Variants in KIAA1549 observed in about 807,000 individuals in gnomAD.
KIAA1549 encodes the protein KIAA1549.
KIAA1549 carries 70 observed loss-of-function variants against 156.4 expected under a neutral mutation model. The observed-to-expected ratio is 0.45, with a 90% CI of 0.37 to 0.55. The LOEUF (loss-of-function observed/expected upper bound fraction) is 0.55. Ranked by LOEUF, KIAA1549 falls within the 20% of genes least tolerant of loss-of-function variation. The pLI is 0.00. For missense variants in KIAA1549, 2,428 were observed against 2,540.9 expected (o/e 0.96, Z 0.96); for synonymous variants, 1,103 against 1,066.4 (o/e 1.03, Z -0.67).
chr7:138,873,989 T>C (rs897697301), intron 12 of KIAA1549, among the ~76,000 whole-genome samples: 2 of 148,432 alleles, frequency 1.3e-5, no homozygotes, highest in Middle Eastern at 3.3e-3. Context: ...TATATTAGTA[T>C]ATATTTTTGT....
At position 138,950,743 on chromosome 7, in the gene KIAA1549, G is replaced by A. The variant is rs183875530; in HGVS notation, c.187+30340C>T. On this transcript the variant is annotated intron_variant, in intron 1 of 19. Transcript: ENST00000422774. ...TGGCCCAATCCTGCATGTATGTCTT[G>A]GTATGGGGGTTCCCACCTCATTGTG... Among the ~76,000 whole-genome samples the A allele has an allele frequency of 3.3e-3, 506 of 152,254 alleles. 3 individuals are homozygous for A. Among genetic ancestry groups the A allele is most frequent in the Middle Eastern group, 0.01 (3 of 294 alleles).
Position 138,975,813 on chromosome 7 carries a change from G to A in KIAA1549, c.187+5270C>T, listed in dbSNP as rs190925191. On this transcript the variant is annotated intron_variant, in intron 1 of 19. Coordinates refer to ENST00000422774, the MANE Select transcript of KIAA1549 (RefSeq NM_001164665.2). Reference sequence around the variant, plus strand: ...ATCAACCTAGTGTAATTATAATGACGGTAATTAGCTGCCTCTATCATTCAG... The same window carrying A: ...ATCAACCTAGTGTAATTATAATGACAGTAATTAGCTGCCTCTATCATTCAG... Among the ~76,000 whole-genome samples the A allele has an allele frequency of 1.1e-3, 174 of 152,254 alleles. 1 individual carries two copies. The highest frequency in any genetic ancestry group is 4.1e-3 in the African/African-American group (169 of 41,544).
intron 10 of KIAA1549, among the ~76,000 whole-genome samples, chr7:138,891,872 A>T (rs1376384229): frequency 6.6e-6 from 1 of 152,218 alleles, no homozygotes; most frequent in South Asian, 2.1e-4. Context: ...CTATGGCCAC[A>T]TGACCTTAAA....
In KIAA1549 at chr7:138,911,213, C is replaced by T; in HGVS notation, c.3078G>A (p.Gln1026=). 1 of 1,599,356 alleles carries T rather than the reference C, an allele frequency of 6.3e-7. No individual in the cohort carries two copies. Residue 1026 remains glutamine (Q), a synonymous_variant, in exon 4 of 20, where the codon CAG becomes CAA. Transcript: ENST00000422774. ...GTTTCACAGACAGGATTAAAGGAGT[C>T]TGGTCACGGACAAGCTTACTGTTTA... ...VLINSKLVRD[Q]TPLILSVKPS... is the part of the protein sequence containing the mutation.
chr7:138,838,110 C>T lies in KIAA1549; in HGVS notation c.5649G>A (p.Val1883=), dbSNP rs1292396422. ...QEYSSSPLFQ[V]PRTSGREPSA... ...AGGGCTCCCTGCCTGAAGTCCTTGG[C>T]ACCTGAAATAGCGGTGAAGAAGAAT... The change falls in exon 20 of 20, where the codon GTG becomes GTA. Residue 1883 remains valine, a synonymous_variant. Transcript: ENST00000422774. 6.5e-7 allele frequency: 1 copy of T among 1,548,660 alleles called. No individual in the cohort carries two copies. Among genetic ancestry groups the T allele is most frequent in the African/African-American group, 1.4e-5 (1 of 72,978 alleles).
chr7:138,903,831 GTGTGT>G, intron 7 of KIAA1549, 95 bp from the exon 8 acceptor site: 1 of 460,202 alleles, frequency 2.2e-6, no homozygotes, highest in South Asian at 2.8e-5. Context: ...GTGTGTGTGT[GTGTGT>G]GTGTGTGTGT....
intron 9 of KIAA1549, among the ~76,000 whole-genome samples, chr7:138,896,567 C>G (rs569269170): frequency 5.9e-5 from 9 of 151,346 alleles, no homozygotes; most frequent in Admixed American, 4.6e-4. Context: ...ACTGGACACT[C>G]TTCTTAGTTC....
intron 17 of KIAA1549, among the ~76,000 whole-genome samples, chr7:138,849,934 C>A (rs1246880414): frequency 1.3e-5 from 2 of 151,986 alleles, no homozygotes; most frequent in African/African-American, 4.8e-5. Context: ...ATTGTGTATG[C>A]GTACCACTTT....
chr7:138,845,798 T>G (rs1485673078), intron 17 of KIAA1549, among the ~76,000 whole-genome samples: 2 of 152,204 alleles, frequency 1.3e-5, no homozygotes, highest in Non-Finnish European at 2.9e-5. Context: ...AATTTTCACT[T>G]GAAAGCTCAT....
intron 1 of KIAA1549, among the ~76,000 whole-genome samples, chr7:138,937,067 G>A (rs2130514977): frequency 6.6e-6 from 1 of 152,156 alleles, no homozygotes; most frequent in African/African-American, 2.4e-5. Flanking sequence ...GAAAGCCAAA[G>A]CCCTCAGCTG....
chr7:138,942,701 G>C (rs186444288), intron 1 of KIAA1549, among the ~76,000 whole-genome samples: 400 of 152,170 alleles, frequency 2.6e-3, no homozygotes, highest in African/African-American at 9.1e-3. Context: ...ACAAGGTCAG[G>C]AGATCGAGAC....
At chr7:138,885,300 C>T (rs139674381) in intron 10 of KIAA1549, among the ~76,000 whole-genome samples, 48 of 152,236 alleles carry the variant, frequency 3.2e-4, no homozygotes, top group Middle Eastern at 6.8e-3. Flanking sequence ...AGGGGTCCCA[C>T]GTAGGGCAGA....
chr7:138,853,211 G>C (rs148568235), intron 16 of KIAA1549, among the ~76,000 whole-genome samples: 2 of 152,284 alleles, frequency 1.3e-5, no homozygotes, highest in African/African-American at 4.8e-5. Context: ...AGTCAGCCTT[G>C]CTTCTGAAGT....
intron 3 of KIAA1549, among the ~76,000 whole-genome samples, chr7:138,911,978 A>G (rs558821313): frequency 6.6e-6 from 1 of 152,312 alleles, no homozygotes; most frequent in East Asian, 1.9e-4. Flanking sequence ...CTCCATCTCT[A>G]TCCTACCAAA....
intron 1 of KIAA1549, among the ~76,000 whole-genome samples, chr7:138,936,885 A>ATT (rs1813028877): frequency 6.6e-6 from 1 of 152,008 alleles, no homozygotes; most frequent in Non-Finnish European, 1.5e-5. Flanking sequence ...ACGAGCCATA[A>ATT]CCCACCCTAA....
rs910628418 is a variant in KIAA1549 at position 138,834,395 on chromosome 7, T to C, written c.*3511A>G. On this transcript the variant is annotated 3_prime_UTR_variant, in exon 20 of 20. Transcript: ENST00000422774. ...AGCTCTTGATCTCAAGTGATCCACC[T>C]GCCTCAGCCTCCCAAAATGCTGGGA... 3 of 194,248 alleles carry C rather than the reference T, an allele frequency of 1.5e-5. No homozygotes were observed. The highest frequency in any genetic ancestry group is 6.1e-5 in the Admixed American group (1 of 16,384). The allele number at this position is 194,248 out of a possible 1,614,324, so 12.0% of individuals were successfully genotyped here. A position where few individuals can be genotyped will look rare whatever the true frequency, so the allele number is the denominator to read the frequency against.
chr7:138,857,034 T>C (rs1810414267), intron 16 of KIAA1549, among the ~76,000 whole-genome samples: 1 of 152,204 alleles, frequency 6.6e-6, no homozygotes. Flanking sequence ...TTGAAGCACC[T>C]GGTTTTCAAG....
intron 1 of KIAA1549, among the ~76,000 whole-genome samples, chr7:138,922,109 T>C (rs1042679640): frequency 3.3e-5 from 5 of 152,220 alleles, no homozygotes; most frequent in African/African-American, 1.2e-4. Context: ...ACAATCAATT[T>C]CTGCTGTTTA....
Position 138,852,203 on chromosome 7 carries a change from T to C in KIAA1549, c.5294+20A>G. ...GCCTATGTGAGAAAGTGATAATACA[T>C]TTTGTTTTGAAAACCTTACCTTGGC... is the stretch of plus-strand genomic sequence containing the variant. On this transcript the variant is annotated intron_variant, in intron 17 of 19. Coordinates refer to ENST00000422774, the MANE Select transcript of KIAA1549 (RefSeq NM_001164665.2). 1 of 1,587,606 alleles carries C rather than the reference T, an allele frequency of 6.3e-7. No homozygotes were observed. The highest frequency in any genetic ancestry group is 8.6e-7 in the Non-Finnish European group (1 of 1,158,208).
Sources: allele counts gnomAD v4.1 joint callset (sites outside exome capture counted in the v4.1 genomes callset), GRCh38; gene constraint gnomAD v4.1.1; transcripts MANE v1.5; gene names NCBI Gene and HGNC (gene_info 2026-07-23, HGNC 2026-07-21).